The following ATP10A variants were observed in gnomAD, a reference collection of about 807,000 sequenced individuals.
The protein encoded by ATP10A is ATPase phospholipid transporting 10A (putative), also known as phospholipid-transporting ATPase VA.
Under a neutral mutation model 147.8 loss-of-function variants are expected in ATP10A, and 111 were observed. That is an observed-to-expected ratio of 0.75 (90% CI 0.64 to 0.88). The LOEUF (loss-of-function observed/expected upper bound fraction) is 0.88, where lower values mean the gene tolerates loss of function less well. ATP10A is among the 40% of genes least tolerant of loss of function. ATP10A has a pLI of 0.00. For missense variants in ATP10A, 1,927 were observed against 1,959.0 expected (o/e 0.98, Z 0.31); for synonymous variants, 875 against 841.6 (o/e 1.04, Z -0.69).
chr15:25,803,076 T>A (rs575570220), intron 1 of ATP10A, among the ~76,000 whole-genome samples: 5 of 152,284 alleles, frequency 3.3e-5, no homozygotes, highest in Middle Eastern at 6.8e-3. Flanking sequence ...TGAGGTGAGA[T>A]AATTCCTGGC....
At chr15:25,675,637 G>A (rs1393059656), downstream of ATP10A, among the ~76,000 whole-genome samples, 1 of 151,988 alleles carries the variant, frequency 6.6e-6, no homozygotes, top group Non-Finnish European at 1.5e-5. Flanking sequence ...ACCACCAAAG[G>A]CCATCATTTC....
chr15:25,810,376 T>C (rs986754296), intron 1 of ATP10A, among the ~76,000 whole-genome samples: 3 of 152,202 alleles, frequency 2.0e-5, no homozygotes, highest in African/African-American at 7.2e-5. Flanking sequence ...ACCGCTCAGC[T>C]GTCACCACTG....
At chr15:25,773,508 G>T (rs140617378) in intron 2 of ATP10A, among the ~76,000 whole-genome samples, 1 of 152,042 alleles carries the variant, frequency 6.6e-6, no homozygotes, top group Non-Finnish European at 1.5e-5. Context: ...AGTGGATTGC[G>T]TGGGCACCCC....
At chr15:25,755,865 C>T (rs1268171142) in intron 2 of ATP10A, among the ~76,000 whole-genome samples, 3 of 152,216 alleles carry the variant, frequency 2.0e-5, no homozygotes, top group African/African-American at 7.2e-5. Flanking sequence ...AATTTTGAAA[C>T]TCTTTGTAAA....
intron 1 of ATP10A, among the ~76,000 whole-genome samples, chr15:25,825,702 A>C (rs150350242): frequency 6.6e-6 from 1 of 152,362 alleles, no homozygotes; most frequent in African/African-American, 2.4e-5. Flanking sequence ...CAATAGCAAC[A>C]AACAGCAACA....
chr15:25,703,341 C>T (rs1418858963), intron 12 of ATP10A, among the ~76,000 whole-genome samples: 3 of 152,172 alleles, frequency 2.0e-5, no homozygotes, highest in East Asian at 1.9e-4. Context: ...GGTGACAGAG[C>T]GAGACTCTGT....
At chr15:25,817,663 G>T (rs1268431938) in intron 1 of ATP10A, among the ~76,000 whole-genome samples, 2 of 152,110 alleles carry the variant, frequency 1.3e-5, no homozygotes, top group African/African-American at 4.8e-5. Context: ...TCTGATTATA[G>T]CTGGGAGGAC....
At chr15:25,683,234 C>T (rs1056399120) in intron 17 of ATP10A, 52 bp downstream of exon 17, 10 of 1,552,786 alleles carry the variant, frequency 6.4e-6, no homozygotes, top group East Asian at 4.5e-5. Flanking sequence ...GAAGAGTGAA[C>T]GTGGAGGGCA....
At chr15:25,686,321 TAA>T (rs1230022421) in intron 16 of ATP10A, among the ~76,000 whole-genome samples, 3 of 44,306 alleles carry the variant, frequency 6.8e-5, no homozygotes, top group African/African-American at 4.1e-4. Flanking sequence ...TCTACAAAAT[TAA>T]AAAAAAAAAA....
At chr15:25,705,440 C>CAAAAAAAAAAAAAA (rs67294220) in intron 12 of ATP10A, among the ~76,000 whole-genome samples, 31 of 86,108 alleles carry the variant, frequency 3.6e-4, no homozygotes, top group Middle Eastern at 6.5e-3. Context: ...TGTCTCAAAG[C>CAAAAAAAAAAAAAA]AAAAAAAAAA....
At position 25,692,111 on chromosome 15, in the gene ATP10A, A is replaced by T. The variant is rs1596692614; in HGVS notation, c.3089-320T>A. The stretch of plus-strand genomic sequence containing the variant: ...TGGCACAAGGAAAGATGCTATCATC[A>T]TCTTCATCATCATTAGTTACTGAGC... On this transcript the variant is annotated intron_variant, in intron 14 of 20. Transcript: ENST00000555815. Among the ~76,000 whole-genome samples the T allele has an allele frequency of 2.0e-5, 3 of 152,210 alleles. No individual in the cohort carries two copies. In the South Asian group the frequency reaches 6.2e-4, roughly 32 times the overall value.
intron 2 of ATP10A, among the ~76,000 whole-genome samples, chr15:25,749,327 T>C (rs541288026): frequency 2.0e-5 from 3 of 152,246 alleles, no homozygotes; most frequent in South Asian, 2.1e-4. Context: ...AGATTAAAGA[T>C]GGTGCAAATA....
chr15:25,742,120 C>A (rs1485946872), intron 2 of ATP10A, among the ~76,000 whole-genome samples: 1 of 151,856 alleles, frequency 6.6e-6, no homozygotes, highest in African/African-American at 2.4e-5. Flanking sequence ...CCGCTCATGG[C>A]GGGACACTCC....
At chr15:25,835,483 A>G (rs1323205935) in intron 1 of ATP10A, among the ~76,000 whole-genome samples, 1 of 152,122 alleles carries the variant, frequency 6.6e-6, no homozygotes, top group Admixed American at 6.6e-5. Context: ...GAGGGCAGGG[A>G]CCATAGCTGC....
At chr15:25,720,825 C>T (rs1902167522) in intron 7 of ATP10A, among the ~76,000 whole-genome samples, 1 of 152,246 alleles carries the variant, frequency 6.6e-6, no homozygotes, top group African/African-American at 2.4e-5. Flanking sequence ...ACAAAAGTGT[C>T]AAGTAAACAA....
chr15:25,814,975 C>T (rs1301538846), intron 1 of ATP10A, among the ~76,000 whole-genome samples: 1 of 152,070 alleles, frequency 6.6e-6, no homozygotes, highest in Non-Finnish European at 1.5e-5. Context: ...ATCCACCTGG[C>T]TTATGAAGAA....
chr15:25,838,744 G>T (rs1279466831), intron 1 of ATP10A, among the ~76,000 whole-genome samples: 1 of 152,186 alleles, frequency 6.6e-6, no homozygotes, highest in African/African-American at 2.4e-5. Flanking sequence ...ATCGCATGTG[G>T]CACTTCCTTA....
At chr15:25,696,829 G>C (rs1900365461) in intron 13 of ATP10A, among the ~76,000 whole-genome samples, 2 of 152,170 alleles carry the variant, frequency 1.3e-5, no homozygotes, top group African/African-American at 4.8e-5. Context: ...CTATTATTTT[G>C]AACTCAGTCC....
rs1255401324 is a variant in ATP10A at position 25,824,406 on chromosome 15, T to G, written c.449+38242A>C. 6.0e-5 allele frequency among the ~76,000 whole-genome samples: 9 copies of G among 150,360 alleles called. No individual in the cohort carries two copies. In the East Asian group the frequency reaches 1.6e-3, roughly 26 times the overall value. Reference sequence around the variant, plus strand: ...GAAGGGTTGCTTGAGCCCAGGTGGTTGAGGCTACAGAGAGCTGTGATCACA... The same window carrying G: ...GAAGGGTTGCTTGAGCCCAGGTGGTGGAGGCTACAGAGAGCTGTGATCACA... On this transcript the variant is annotated intron_variant, in intron 1 of 20. Transcript: ENST00000555815.
Sources: allele counts gnomAD v4.1 joint callset (sites outside exome capture counted in the v4.1 genomes callset), GRCh38; gene constraint gnomAD v4.1.1; transcripts MANE v1.5; gene names NCBI Gene and HGNC (gene_info 2026-07-23, HGNC 2026-07-21).